The following DAGLA variants were observed in gnomAD, a reference collection of about 807,000 sequenced individuals.
The protein encoded by DAGLA is diacylglycerol lipase alpha, also known as diacylglycerol lipase-alpha.
DAGLA carries 22 observed loss-of-function variants against 102.6 expected under a neutral mutation model. The ratio of observed to expected loss-of-function variants is 0.21; its 90% CI spans 0.15 to 0.31. DAGLA has a LOEUF of 0.31. DAGLA is among the 10% of genes least tolerant of loss of function. The pLI is 1.00. For synonymous variants in DAGLA, 578 were observed against 628.9 expected, an observed-to-expected ratio of 0.92 and a Z score of 1.21; for missense variants, 927 against 1,446.6, an observed-to-expected ratio of 0.64 and a Z score of 5.83.
In DAGLA at chr11:61,734,376, G is replaced by A. The variant is rs760196974; in HGVS notation, c.975-473G>A. On this transcript the variant is annotated intron_variant, in intron 9 of 19. Coordinates refer to ENST00000257215, the MANE Select transcript of DAGLA (RefSeq NM_006133.3). The surrounding 1 kb of genome is among the most constrained non-coding windows in gnomAD (Gnocchi z 4.2). ...AAGCAGGGAAGGGGTTTGAGAGCTG[G>A]CAGGGTGTCAGGTGTCCGAGAGAGG... 9.9e-5 allele frequency among the ~76,000 whole-genome samples: 15 copies of A among 152,170 alleles called. No individual in the cohort carries two copies. Among genetic ancestry groups the A allele is most frequent in the Non-Finnish European group, 1.5e-4 (10 of 68,010 alleles).
chr11:61,734,731 T>C lies in DAGLA; in HGVS notation c.975-118T>C. ...GGTCACTAGGACTTAGCAAGGGCAA[T>C]TTGGTAGAGGCAGTGGGGCTGAATG... is the stretch of plus-strand genomic sequence containing the variant. On this transcript the variant is annotated intron_variant, in intron 9 of 19. Transcript: ENST00000257215. This position sits in a 1 kb window ranked among gnomAD's most constrained non-coding sequence, Gnocchi z 4.2. 4.1e-6 allele frequency: 4 copies of C among 973,092 alleles called. No individual in the cohort carries two copies. The highest frequency in any genetic ancestry group is 2.5e-5 in the East Asian group (1 of 40,008). 60.3% of individuals were successfully genotyped at this position (973,092 alleles called of 1,614,324 possible). A position where few individuals can be genotyped will look rare whatever the true frequency, so the allele number is the denominator to read the frequency against.
chr11:61,697,328 G>A (rs1455741281), intron 1 of DAGLA, among the ~76,000 whole-genome samples: 1 of 152,216 alleles, frequency 6.6e-6, no homozygotes, highest in Non-Finnish European at 1.5e-5. Context: ...CCGGGCCAGG[G>A]CGAGGGAAGG....
chr11:61,691,220 T>G (rs528164460), intron 1 of DAGLA, among the ~76,000 whole-genome samples: 1 of 152,366 alleles, frequency 6.6e-6, no homozygotes, highest in East Asian at 1.9e-4. Flanking sequence ...TGCTCAGTGC[T>G]TTATAAAAGT....
In DAGLA at chr11:61,739,499, C is replaced by G. The variant is rs773490664; in HGVS notation, c.1691C>G (p.Pro564Arg). ...ATCGTGGGGGCCACCAAATGCATCC[C>G]CAAGTCGGAGCTGCCTGAGGAGGTA... ...RIIVGATKCI[P>R]KSELPEEVEV... Residue 564 changes from proline to arginine, a missense_variant, in exon 17 of 20, where the codon CCC becomes CGC. Physicochemically the swap from Pro to Arg is moderately radical, Grantham distance 103 (BLOSUM62 -2). Around this residue, in one of 4 missense-constraint regions of DAGLA, gnomAD observed 218 missense variants for 459.6 expected, o/e 0.47. Transcript: ENST00000257215. The G allele has an allele frequency of 6.2e-6, 10 of 1,613,938 alleles. No homozygotes were observed. The highest frequency in any genetic ancestry group is 8.5e-6 in the Non-Finnish European group (10 of 1,180,030).
chr11:61,713,525 A>G (rs1383690276), intron 1 of DAGLA, among the ~76,000 whole-genome samples: 1 of 152,214 alleles, frequency 6.6e-6, no homozygotes, highest in African/African-American at 2.4e-5. Context: ...GTCACTACCC[A>G]GGATCCTGGA....
chr11:61,695,663 T>C (rs1256719215), intron 1 of DAGLA, among the ~76,000 whole-genome samples: 4 of 152,234 alleles, frequency 2.6e-5, no homozygotes, highest in Non-Finnish European at 5.9e-5. Context: ...CCTGGCTTTC[T>C]GTTCTTCTTG....
chr11:61,682,223 G>A (rs1313319649), intron 1 of DAGLA, among the ~76,000 whole-genome samples: 1 of 152,152 alleles, frequency 6.6e-6, no homozygotes, highest in African/African-American at 2.4e-5. Flanking sequence ...TGGTAGTAAA[G>A]AATGAAAGGA....
chr11:61,730,234 C>T (rs538654898), intron 8 of DAGLA, among the ~76,000 whole-genome samples: 1 of 152,118 alleles, frequency 6.6e-6, no homozygotes, highest in African/African-American at 2.4e-5. Flanking sequence ...TGGCTGTTCT[C>T]ACCACCTTCT....
chr11:61,731,499 A>T, intron 9 of DAGLA, 58 bp downstream of exon 9: 1 of 1,601,470 alleles, frequency 6.2e-7, no homozygotes, highest in Non-Finnish European at 8.5e-7. Context: ...GTGGTGTGTG[A>T]GGAAGGGCTA....
At chr11:61,730,454 T>TTCCACCCC (rs1020618886) in intron 8 of DAGLA, among the ~76,000 whole-genome samples, 15 of 152,264 alleles carry the variant, frequency 9.9e-5, no homozygotes, top group African/African-American at 3.6e-4. Flanking sequence ...CCAGGGATGT[T>TTCCACCCC]TCCACCCCTC....
intron 1 of DAGLA, among the ~76,000 whole-genome samples, chr11:61,685,699 C>G (rs916912014): frequency 2.0e-5 from 3 of 152,010 alleles, no homozygotes; most frequent in Admixed American, 6.6e-5. Context: ...GGGAGAGTGA[C>G]TCGAGCCAGG....
Position 61,737,173 on chromosome 11 carries a change from G to C in DAGLA, c.1372-9G>C, listed in dbSNP as rs770414726. The stretch of plus-strand genomic sequence containing the variant: ...GGGGCAGGGCTCTCAGGCTTCTCTC[G>C]GTCTCCAGGGCCGCGGAACCAAACA... On this transcript the variant is annotated splice_polypyrimidine_tract_variant and intron_variant, in intron 13 of 19. Transcript: ENST00000257215. 1.9e-6 allele frequency: 3 copies of C among 1,613,340 alleles called. No individual in the cohort carries two copies. The highest frequency in any genetic ancestry group is 2.2e-5 in the South Asian group (2 of 91,078).
intron 1 of DAGLA, among the ~76,000 whole-genome samples, chr11:61,701,539 G>C (rs888626008): frequency 1.3e-5 from 2 of 152,208 alleles, no homozygotes; most frequent in African/African-American, 4.8e-5. Context: ...ATGTGTGCGC[G>C]CAGGGGCCCA....
chr11:61,683,164 C>T (rs886083830), intron 1 of DAGLA, among the ~76,000 whole-genome samples: 1 of 152,244 alleles, frequency 6.6e-6, no homozygotes, highest in Admixed American at 6.5e-5. Context: ...AGCCAGCAAC[C>T]TGTTTCACAT....
At chr11:61,722,438 T>A (rs1215686623) in intron 3 of DAGLA, among the ~76,000 whole-genome samples, 1 of 152,084 alleles carries the variant, frequency 6.6e-6, no homozygotes, top group Non-Finnish European at 1.5e-5. Flanking sequence ...ATACAAAAAT[T>A]AGCTGGGCCT....
At chr11:61,741,102 G>A in intron 18 of DAGLA, 60 bp from the exon 19 acceptor site, 1 of 1,497,324 alleles carries the variant, frequency 6.7e-7, no homozygotes, top group Non-Finnish European at 9.0e-7. Context: ...CTCCACATCG[G>A]CCCCACGATG....
intron 1 of DAGLA, among the ~76,000 whole-genome samples, chr11:61,715,952 G>GCTC: frequency 6.6e-6 from 1 of 152,248 alleles, no homozygotes; most frequent in Non-Finnish European, 1.5e-5. Context: ...AGGGGGGGGA[G>GCTC]AGGGTTCTCC....
chr11:61,743,747 G>A lies in DAGLA; in HGVS notation c.2387G>A (p.Arg796His), dbSNP rs772632665. ...TCCCTGTACAGCTTCGACTCGCGCC[G>A]CTCCTCAGGCTTCCGCAGCATCCGG... is the stretch of plus-strand genomic sequence containing the variant. ...TESLYSFDSR[R>H]SSGFRSIRGS... The change falls in exon 20 of 20, where the codon CGC (arginine) becomes CAC (histidine). Residue 796 changes from arginine to histidine, a missense_variant. Arg to His is a conservative substitution (Grantham distance 29, BLOSUM62 0). Coordinates refer to ENST00000257215, the MANE Select transcript of DAGLA (RefSeq NM_006133.3). The A allele has an allele frequency of 5.0e-6, 8 of 1,612,170 alleles. No individual in the cohort carries two copies. The highest frequency in any genetic ancestry group is 2.2e-5 in the South Asian group (2 of 91,072).
chr11:61,723,584 G>A lies in DAGLA; in HGVS notation c.548+12G>A. ...ACCTACAACCTGCGGTCAGTCAGCG[G>A]GCTGGGTGGGCAGTCCCAGGGTGGG... On this transcript the variant is annotated intron_variant, in intron 5 of 19. Coordinates refer to ENST00000257215, the MANE Select transcript of DAGLA (RefSeq NM_006133.3). 6.2e-7 allele frequency: 1 copy of A among 1,611,018 alleles called. No individual in the cohort carries two copies. The highest frequency in any genetic ancestry group is 1.1e-5 in the South Asian group (1 of 91,002).
Sources: gnomAD v4.1 joint callset for allele counts (sites outside exome capture counted in the v4.1 genomes callset) on GRCh38, gnomAD v4.1.1 for gene constraint, gnomAD v4.1.1 regional missense constraint, Gnocchi (gnomAD v3.1) non-coding constraint, MANE v1.5 for transcripts, NCBI Gene and HGNC (gene_info 2026-07-23, HGNC 2026-07-21) for gene names.